The following CFAP43 variants were observed in gnomAD, a reference collection of about 807,000 sequenced individuals.
CFAP43 encodes the protein cilia- and flagella-associated protein 43.
A neutral mutation model predicts 218.9 loss-of-function variants in CFAP43; 155 were observed. The observed-to-expected ratio is 0.71, with a 90% CI of 0.62 to 0.81. The LOEUF (loss-of-function observed/expected upper bound fraction) is 0.81. Ranked by LOEUF, CFAP43 falls within the 30% of genes least tolerant of loss-of-function variation. CFAP43 has a pLI of 0.00. For synonymous variants in CFAP43, 645 were observed against 681.3 expected (o/e 0.95, Z 0.83); for missense variants, 1,778 against 1,954.3 (o/e 0.91, Z 1.70).
chr10:104,148,732 A>G (rs1288694268), intron 28 of CFAP43, among the ~76,000 whole-genome samples: 2 of 152,228 alleles, frequency 1.3e-5, no homozygotes, highest in Non-Finnish European at 1.5e-5. Flanking sequence ...CAGATGCCCA[A>G]TCTTGAACCT....
Position 104,140,832 on chromosome 10 carries a change from G to C in CFAP43, c.4431+10C>G, listed in dbSNP as rs776514465. 7.6e-6 allele frequency: 12 copies of C among 1,579,642 alleles called. No homozygotes were observed. The highest frequency in any genetic ancestry group is 1.2e-5 in the South Asian group (1 of 85,454). The stretch of plus-strand genomic sequence containing the variant: ...CCTTGAATTAAAATAAAAATAAAAA[G>C]TATAATTACCCGAATCACAGAATTC... On this transcript the variant is annotated intron_variant, in intron 34 of 37. Coordinates refer to ENST00000357060, the MANE Select transcript of CFAP43 (RefSeq NM_025145.7).
At chr10:104,202,237 C>A (rs2090555166) in intron 8 of CFAP43, among the ~76,000 whole-genome samples, 1 of 152,238 alleles carries the variant, frequency 6.6e-6, no homozygotes, top group Non-Finnish European at 1.5e-5. Flanking sequence ...ATTATTGCCA[C>A]AGAGAAGTCA....
rs780706232 is a variant in CFAP43, at chr10:104,232,187, G to A, written c.60C>T (p.Ser20=). 20 of 1,609,246 alleles carry A rather than the reference G, an allele frequency of 1.2e-5. No individual in the cohort carries two copies. The highest frequency in any genetic ancestry group is 1.6e-5 in the Non-Finnish European group (19 of 1,178,438). The stretch of plus-strand genomic sequence containing the variant: ...CGGGGCCGTGAACACCGCACCTCAC[G>A]GACAAGGACGCGCCGCCGGCGGAGT... The part of the protein sequence containing the change: ...GPHSAGGASL[S]VRWVQGFPKQ... Residue 20 remains serine, a synonymous_variant, in exon 1 of 38, where the codon TCC becomes TCT. Coordinates refer to ENST00000357060, the MANE Select transcript of CFAP43 (RefSeq NM_025145.7).
intron 34 of CFAP43, among the ~76,000 whole-genome samples, chr10:104,136,449 C>T (rs2087454627): frequency 6.6e-6 from 1 of 151,838 alleles, no homozygotes; most frequent in East Asian, 2.0e-4. Context: ...CGCCTCACTG[C>T]AACCTCCGCC....
intron 34 of CFAP43, among the ~76,000 whole-genome samples, chr10:104,139,686 T>C (rs962188932): frequency 4.6e-5 from 7 of 151,846 alleles, no homozygotes; most frequent in Admixed American, 1.3e-4. Flanking sequence ...TAAAGAAAAA[T>C]GGAGAGAATT....
In CFAP43 at chr10:104,225,600, C is replaced by T. The variant is rs375533775; in HGVS notation, c.320-43G>A. 4.6e-6 allele frequency: 7 copies of T among 1,508,422 alleles called. No homozygotes were observed. In the Middle Eastern group the frequency reaches 6.9e-4, roughly 148 times the overall value. 93.4% of individuals were successfully genotyped at this position (1,508,422 alleles called of 1,614,324 possible). On this transcript the variant is annotated intron_variant, in intron 2 of 37. Transcript: ENST00000357060. ...TTATCAGGATTTGATTATGTTAAGA[C>T]CATGTTCAGTTAACTATGGTCTTAC...
chr10:104,149,035 C>G (rs2088118636), intron 28 of CFAP43, among the ~76,000 whole-genome samples: 2 of 151,828 alleles, frequency 1.3e-5, no homozygotes, highest in South Asian at 4.2e-4. Context: ...TTCACGTTCC[C>G]TTTCATTTCT....
At chr10:104,218,737 C>T in intron 3 of CFAP43, 1 of 525,880 alleles carries the variant, frequency 1.9e-6, no homozygotes. Context: ...TTGTGCCCTT[C>T]CCCTCATCCT....
rs777032221 is a variant in CFAP43, at chr10:104,218,829, T to A, written c.417-4403A>T. 18 of 542,654 alleles carry A rather than the reference T, an allele frequency of 3.3e-5. No individual in the cohort carries two copies. The Admixed American group carries it at 3.3e-4, about 10-fold the overall frequency. The allele number at this position is 542,654 out of a possible 1,614,324, so 33.6% of individuals were successfully genotyped here. A position where few individuals can be genotyped will look rare whatever the true frequency, so the allele number is the denominator to read the frequency against. On this transcript the variant is annotated intron_variant, in intron 3 of 37. Coordinates refer to ENST00000357060, the MANE Select transcript of CFAP43 (RefSeq NM_025145.7). ...CCTAGGGTGTTGCCCTCATCTCTAC[T>A]ATTTAACCCATTATAGACCAGAGAT...
At chr10:104,169,750 T>G (rs2089329125) in intron 20 of CFAP43, among the ~76,000 whole-genome samples, 1 of 152,172 alleles carries the variant, frequency 6.6e-6, no homozygotes, top group African/African-American at 2.4e-5. Flanking sequence ...AATTTGCAAT[T>G]CATTTCTTTT....
At chr10:104,225,822 C>T (rs1346468467) in intron 2 of CFAP43, among the ~76,000 whole-genome samples, 3 of 152,136 alleles carry the variant, frequency 2.0e-5, no homozygotes, top group Admixed American at 6.5e-5. Context: ...CTGAGCATAC[C>T]GCACCATGTA....
intron 29 of CFAP43, among the ~76,000 whole-genome samples, chr10:104,147,354 C>T (rs2088025256): frequency 6.6e-6 from 1 of 151,936 alleles, no homozygotes; most frequent in Non-Finnish European, 1.5e-5. Context: ...CTAACAAAAG[C>T]TGACATTTGT....
At chr10:104,138,084 G>A (rs1372400898) in intron 34 of CFAP43, among the ~76,000 whole-genome samples, 2 of 152,196 alleles carry the variant, frequency 1.3e-5, no homozygotes, top group Non-Finnish European at 2.9e-5. Context: ...GCATGGAACA[G>A]TGGAGAAAAA....
chr10:104,211,377 G>A (rs527982575), intron 5 of CFAP43, among the ~76,000 whole-genome samples: 155 of 152,276 alleles, frequency 1.0e-3, no homozygotes, highest in African/African-American at 3.6e-3. Context: ...AACAGTGTCT[G>A]CTCCATAGAA....
chr10:104,141,368 T>C lies in CFAP43; in HGVS notation c.4272-367A>G, dbSNP rs765509450. On this transcript the variant is annotated intron_variant, in intron 33 of 37. Coordinates refer to ENST00000357060, the MANE Select transcript of CFAP43 (RefSeq NM_025145.7). The stretch of plus-strand genomic sequence containing the variant: ...GGCTCATGCCTGTAATCCCAGCATT[T>C]TGGGATGCCGAGGTGGGTGGATCAT... Among the ~76,000 whole-genome samples the C allele has an allele frequency of 5.3e-5, 8 of 152,296 alleles. No individual in the cohort carries two copies. The East Asian group carries it at 7.7e-4, about 15-fold the overall frequency.
At chr10:104,151,074 T>A (rs1200661605) in intron 28 of CFAP43, among the ~76,000 whole-genome samples, 1 of 152,232 alleles carries the variant, frequency 6.6e-6, no homozygotes, top group African/African-American at 2.4e-5. Context: ...GGACATGATC[T>A]CATTCTTTTT....
intron 7 of CFAP43, among the ~76,000 whole-genome samples, chr10:104,204,262 C>T (rs2090616978): frequency 6.6e-6 from 1 of 152,172 alleles, no homozygotes; most frequent in Admixed American, 6.5e-5. Flanking sequence ...TTATTCCCTT[C>T]GGATCCTCTT....
At chr10:104,232,116 A>AG in intron 1 of CFAP43, 66 bp downstream of exon 1, 1 of 1,532,800 alleles carries the variant, frequency 6.5e-7, no homozygotes, top group Non-Finnish European at 8.8e-7. Context: ...GAGAGGAGGG[A>AG]GGAGGGGACT....
chr10:104,165,493 G>A (rs938688723), intron 23 of CFAP43, among the ~76,000 whole-genome samples: 1 of 152,190 alleles, frequency 6.6e-6, no homozygotes, highest in African/African-American at 2.4e-5. Flanking sequence ...ATAAAAAGAA[G>A]AGGATAGGAA....
Sources: allele counts gnomAD v4.1 joint callset (sites outside exome capture counted in the v4.1 genomes callset), GRCh38; gene constraint gnomAD v4.1.1; transcripts MANE v1.5; gene names NCBI Gene and HGNC (gene_info 2026-07-23, HGNC 2026-07-21).